The following USP8 variants were observed in gnomAD, a reference collection of about 807,000 sequenced individuals.
USP8 encodes ubiquitin carboxyl-terminal hydrolase 8.
Under a neutral mutation model 130.0 loss-of-function variants are expected in USP8, and 27 were observed. The ratio of observed to expected loss-of-function variants is 0.21; its 90% confidence interval spans 0.15 to 0.29. The LOEUF (loss-of-function observed/expected upper bound fraction) is 0.29. USP8 is among the 10% of genes least tolerant of loss of function. The pLI, the probability that USP8 is intolerant of heterozygous loss-of-function variation, is 1.00. For synonymous variants in USP8, 392 were observed against 444.1 expected (o/e 0.88, Z 1.48); for missense variants, 1,029 against 1,312.2 (o/e 0.78, Z 3.33).
Position 50,467,349 on chromosome 15 carries a change from A to G in USP8, c.686+2158A>G, listed in dbSNP as rs112371271. 3.7e-3 allele frequency among the ~76,000 whole-genome samples: 564 copies of G among 152,300 alleles called. 4 individuals are homozygous for G. The highest frequency in any genetic ancestry group is 0.013 in the African/African-American group (547 of 41,546). ...GATTTTAGGTTGAAGATTAAAGAAC[A>G]ATGAAATGCATACTGAGAAAATTAT... On this transcript the variant is annotated intron_variant, in intron 7 of 19. Transcript: ENST00000307179.
Position 50,475,919 on chromosome 15 carries a change from T to TA in USP8, c.850-930_850-929insA, listed in dbSNP as rs1259940888. ...TGCCCGACCAATATATTTATATATA[T>TA]TTTTAAGTGATCATTTCTAAGATTA... On this transcript the variant is annotated intron_variant, in intron 8 of 19. Transcript: ENST00000307179. 5.9e-5 allele frequency among the ~76,000 whole-genome samples: 9 copies of TA among 152,130 alleles called. 2 individuals are homozygous for TA. The South Asian group carries it at 1.5e-3, about 25-fold the overall frequency.
At chr15:50,468,350 C>A (rs1312672115) in intron 7 of USP8, among the ~76,000 whole-genome samples, 1 of 149,886 alleles carries the variant, frequency 6.7e-6, no homozygotes, top group Non-Finnish European at 1.5e-5. Flanking sequence ...ATCCTCATGT[C>A]TCATGTCTCA....
chr15:50,441,160 A>G (rs1332584968), intron 2 of USP8, among the ~76,000 whole-genome samples, 189 bp from the exon 3 acceptor site: 1 of 152,092 alleles, frequency 6.6e-6, no homozygotes, highest in Non-Finnish European at 1.5e-5. Context: ...TACAGATGAC[A>G]CTTTGCTGGC....
At chr15:50,424,681 G>GC in intron 1 of USP8, 167 bp downstream of exon 1, 1 of 394,838 alleles carries the variant, frequency 2.5e-6, no homozygotes, top group Non-Finnish European at 4.5e-6. Context: ...GAGAGGAAAG[G>GC]CCCAACCTTG....
At chr15:50,442,978 T>G (rs977094177) in intron 3 of USP8, among the ~76,000 whole-genome samples, 1 of 152,240 alleles carries the variant, frequency 6.6e-6, no homozygotes, top group Non-Finnish European at 1.5e-5. Context: ...TGGCTTCTAT[T>G]GTTTAAATTG....
At chr15:50,484,386 A>C in intron 12 of USP8, 25 bp downstream of exon 12, 1 of 1,589,890 alleles carries the variant, frequency 6.3e-7, no homozygotes, top group Non-Finnish European at 8.6e-7. Context: ...GCAGGAAAAA[A>C]CTGGAAAAAA....
intron 8 of USP8, among the ~76,000 whole-genome samples, chr15:50,473,759 A>C (rs1390771916): frequency 6.6e-6 from 1 of 151,804 alleles, no homozygotes; most frequent in African/African-American, 2.4e-5. Flanking sequence ...TTGGCCACCC[A>C]AAGTGTTGGG....
rs2049982537 is a variant in USP8 at position 50,433,150 on chromosome 15, C to T, written c.-65-5859C>T. On this transcript the variant is annotated intron_variant, in intron 1 of 19. Coordinates refer to ENST00000307179, the MANE Select transcript of USP8 (RefSeq NM_005154.5). ...TCAGTTACTTGGGAGGCTGAGGCTG[C>T]TTGAATCTGGGAAGTGGAGGTTGCA... Among the ~76,000 whole-genome samples the T allele has an allele frequency of 2.0e-5, 3 of 151,700 alleles. No individual in the cohort carries two copies. In the South Asian group the frequency reaches 6.2e-4, roughly 31 times the overall value.
intron 5 of USP8, among the ~76,000 whole-genome samples, chr15:50,460,162 T>A (rs1465278947): frequency 1.3e-5 from 2 of 151,498 alleles, no homozygotes; most frequent in Non-Finnish European, 2.9e-5. Flanking sequence ...CACACCCGGC[T>A]AATTTTTGTA....
At position 50,498,803 on chromosome 15, in the gene USP8, C is replaced by A. The variant is rs2052511054; in HGVS notation, c.3171+75C>A. The A allele has an allele frequency of 3.9e-6, 6 of 1,550,934 alleles. No homozygotes were observed. The South Asian group carries it at 4.9e-5, about 13-fold the overall frequency. On this transcript the variant is annotated intron_variant, in intron 19 of 19. Transcript: ENST00000307179. Reference sequence around the variant, plus strand: ...AAAAGTTTTAAGTGGTTTCCTACCTCATGGAAGAGTAAGAACAACATAAAG... The same window carrying A: ...AAAAGTTTTAAGTGGTTTCCTACCTAATGGAAGAGTAAGAACAACATAAAG...
At chr15:50,469,015 A>C (rs1226542992) in intron 7 of USP8, among the ~76,000 whole-genome samples, 1 of 151,980 alleles carries the variant, frequency 6.6e-6, no homozygotes, top group African/African-American at 2.4e-5. Flanking sequence ...CTGCTTTTGT[A>C]CTTTATATAA....
At chr15:50,495,824 G>C (rs1239627012) in intron 16 of USP8, 24 bp from the exon 17 acceptor site, 1 of 1,550,872 alleles carries the variant, frequency 6.4e-7, no homozygotes, top group African/African-American at 1.4e-5. Flanking sequence ...TATTAATATA[G>C]AGCTTAAATC....
Position 50,492,691 on chromosome 15 carries a change from T to G in USP8, c.2235-10T>G. 1 of 1,610,876 alleles carries G rather than the reference T, an allele frequency of 6.2e-7. No homozygotes were observed. The highest frequency in any genetic ancestry group is 1.3e-5 in the African/African-American group (1 of 74,860). ...ATTTTAAGACATCTTGTATCCTTTT[T>G]CTTCCTCAGGCCAACATGTTATCCT... On this transcript the variant is annotated splice_polypyrimidine_tract_variant and intron_variant, in intron 14 of 19. Transcript: ENST00000307179.
chr15:50,428,731 GA>G (rs1302505876), intron 1 of USP8, among the ~76,000 whole-genome samples: 3 of 152,212 alleles, frequency 2.0e-5, no homozygotes, highest in Admixed American at 6.5e-5. Flanking sequence ...TAATTTTGCA[GA>G]TAAAAGATCT....
intron 11 of USP8, among the ~76,000 whole-genome samples, chr15:50,482,358 G>A (rs963936031): frequency 6.6e-6 from 1 of 152,152 alleles, no homozygotes; most frequent in African/African-American, 2.4e-5. Flanking sequence ...TATGTTTGAT[G>A]TATGATCATG....
Position 50,482,073 on chromosome 15 carries a change from GAA to G in USP8, c.1803+10_1803+11del, listed in dbSNP as rs770531623. 7 of 1,476,730 alleles carry G rather than the reference GAA, an allele frequency of 4.7e-6. No homozygotes were observed. In the African/African-American group the frequency reaches 8.7e-5, roughly 18 times the overall value. 91.5% of individuals were successfully genotyped at this position (1,476,730 alleles called of 1,614,324 possible). ...GATTCAGGTTCAGGCAAGGTAAGCA[GAA>G]ACAGTACAAATTGCCAACGAAGTGA... On this transcript the variant is annotated intron_variant, in intron 11 of 19. Transcript: ENST00000307179.
chr15:50,493,983 T>C, intron 15 of USP8, 87 bp from the exon 16 acceptor site: 1 of 1,432,788 alleles, frequency 7.0e-7, no homozygotes, highest in Non-Finnish European at 9.8e-7. Context: ...ATGTGAATAA[T>C]TTCATGTTGA....
chr15:50,449,606 C>T lies in USP8; in HGVS notation c.335+121C>T, dbSNP rs1299453517. On this transcript the variant is annotated intron_variant, in intron 4 of 19. Transcript: ENST00000307179. Reference sequence around the variant, plus strand: ...TTCCAATTTTTTTTTGAGACAGAGTCTCGCGCTGTCTGTCGCCCATGCTGG... The same window carrying T: ...TTCCAATTTTTTTTTGAGACAGAGTTTCGCGCTGTCTGTCGCCCATGCTGG... The T allele has an allele frequency of 1.6e-5, 10 of 608,610 alleles. 1 individual carries two copies. Among genetic ancestry groups the T allele is most frequent in the East Asian group, 8.6e-5 (2 of 23,324 alleles). The allele number at this position is 608,610 out of a possible 1,614,324, so 37.7% of individuals were successfully genotyped here.
At position 50,477,294 on chromosome 15, in the gene USP8, C is replaced by T. The variant is rs2051598870; in HGVS notation, c.1013C>T (p.Ser338Leu). ...VSISLDFTYPSLEESIPSKPA... is the reference protein window; with the variant it reads ...VSISLDFTYPLLEESIPSKPA... Reference sequence around the variant, plus strand: ...ATTTTAGTGGATTTTACTTATCCCTCATTGGAAGAATCAATTCCTTCTAAA... The same window carrying T: ...ATTTTAGTGGATTTTACTTATCCCTTATTGGAAGAATCAATTCCTTCTAAA... The change falls in exon 10 of 20, where the codon TCA (serine) becomes TTA (leucine). Residue 338 changes from serine (S) to leucine (L), a missense_variant. By Grantham distance (145) the Ser-to-Leu change is moderately radical (BLOSUM62 -2). Coordinates refer to ENST00000307179, the MANE Select transcript of USP8 (RefSeq NM_005154.5). 6.2e-7 allele frequency: 1 copy of T among 1,612,386 alleles called. No individual in the cohort carries two copies. Among genetic ancestry groups the T allele is most frequent in the African/African-American group, 1.3e-5 (1 of 74,800 alleles).
Sources: gnomAD v4.1 joint callset for allele counts (sites outside exome capture counted in the v4.1 genomes callset) on GRCh38, gnomAD v4.1.1 for gene constraint, MANE v1.5 for transcripts, NCBI Gene and HGNC (gene_info 2026-07-23, HGNC 2026-07-21) for gene names.